Variants in RSU1 observed in about 807,000 individuals in gnomAD.
RSU1 encodes Ras suppressor protein 1.
RSU1 carries 26 observed loss-of-function variants against 31.1 expected under a neutral mutation model. The ratio of observed to expected loss-of-function variants is 0.84; its 90% CI spans 0.61 to 1.16. The LOEUF (loss-of-function observed/expected upper bound fraction) is 1.16. RSU1 is among the 50% of genes most tolerant of loss of function. The probability of loss-of-function intolerance (pLI) is 0.00; values close to 1 mark genes in which losing one functional copy is unlikely to be tolerated. For synonymous variants in RSU1, 164 were observed against 136.3 expected, an observed-to-expected ratio of 1.20 and a Z score of -1.41; for missense variants, 320 against 339.1, an observed-to-expected ratio of 0.94 and a Z score of 0.44.
chr10:16,612,387 T>C (rs534749351), intron 8 of RSU1, among the ~76,000 whole-genome samples: 2 of 152,354 alleles, frequency 1.3e-5, no homozygotes, highest in East Asian at 3.9e-4. Context: ...ATGCCAGTCA[T>C]TGCCAAAGAC....
At chr10:16,772,457 A>G (rs1333843746) in intron 3 of RSU1, among the ~76,000 whole-genome samples, 1 of 152,094 alleles carries the variant, frequency 6.6e-6, no homozygotes, top group Non-Finnish European at 1.5e-5. Flanking sequence ...CCCCTCCAGC[A>G]AAGCCATACA....
chr10:16,705,050 T>C (rs1384588466), intron 7 of RSU1, among the ~76,000 whole-genome samples: 1 of 152,216 alleles, frequency 6.6e-6, no homozygotes, highest in Admixed American at 6.5e-5. Context: ...CCTTATCTCT[T>C]GGCAACCACC....
intron 2 of RSU1, among the ~76,000 whole-genome samples, chr10:16,816,416 C>A (rs1347022421): frequency 6.6e-6 from 1 of 152,050 alleles, no homozygotes; most frequent in Non-Finnish European, 1.5e-5. Context: ...TGAAAGTGAC[C>A]CAGTGATTAA....
intron 2 of RSU1, among the ~76,000 whole-genome samples, chr10:16,791,428 G>GTTCAGGAT (rs2131661310): frequency 6.6e-6 from 1 of 152,272 alleles, no homozygotes; most frequent in African/African-American, 2.4e-5. Flanking sequence ...GAGCTCAGGA[G>GTTCAGGAT]TTCAGGATTT....
Position 16,772,641 on chromosome 10 carries a change from G to GAAAAA in RSU1, c.161-8136_161-8132dup, listed in dbSNP as rs60460081. ...CTGGAAAGAGAGAGGAGTAGAATAT[G>GAAAAA]AAAAAAAAAAAAAAAAAAAACAAGA... On this transcript the variant is annotated intron_variant, in intron 3 of 8. Transcript: ENST00000345264. Among the ~76,000 whole-genome samples the GAAAAA allele has an allele frequency of 1.2e-3, 79 of 64,742 alleles. 2 individuals carry two copies. Among genetic ancestry groups the GAAAAA allele is most frequent in the African/African-American group, 3.3e-3 (59 of 18,104 alleles). The allele number at this position is 64,742 out of a possible 152,430, so 42.5% of individuals were successfully genotyped here. A position where few individuals can be genotyped will look rare whatever the true frequency, so the allele number is the denominator to read the frequency against.
Position 16,773,094 on chromosome 10 carries a change from G to A in RSU1, c.161-8584C>T, listed in dbSNP as rs187208916. On this transcript the variant is annotated intron_variant, in intron 3 of 8. Coordinates refer to ENST00000345264, the MANE Select transcript of RSU1 (RefSeq NM_012425.4). ...GCATGCCTGCAGTCCTAGCTACTCC[G>A]GAGGCTGAGGTGGGAAGATCACTTG... Among the ~76,000 whole-genome samples, 398 of 152,074 alleles carry A rather than the reference G, an allele frequency of 2.6e-3. 1 individual carries two copies. Among genetic ancestry groups the A allele is most frequent in the Non-Finnish European group, 4.4e-3 (296 of 67,990 alleles).
intron 3 of RSU1, among the ~76,000 whole-genome samples, chr10:16,774,074 A>C (rs1195785234): frequency 6.6e-6 from 1 of 151,500 alleles, no homozygotes; most frequent in Non-Finnish European, 1.5e-5. Flanking sequence ...CAGAAAGAAA[A>C]ATGGAAATGG....
chr10:16,696,231 C>T (rs1439119001), intron 7 of RSU1, among the ~76,000 whole-genome samples: 1 of 152,156 alleles, frequency 6.6e-6, no homozygotes. Context: ...TAAGACACAA[C>T]CGAAGTTACG....
intron 7 of RSU1, among the ~76,000 whole-genome samples, chr10:16,749,070 G>T (rs1228366007): frequency 2.6e-5 from 4 of 152,126 alleles, no homozygotes; most frequent in African/African-American, 9.7e-5. Context: ...GGACTCAAAG[G>T]TCTGCCCTCA....
intron 2 of RSU1, among the ~76,000 whole-genome samples, chr10:16,800,085 G>T (rs1238933604): frequency 1.3e-5 from 2 of 152,094 alleles, no homozygotes; most frequent in African/African-American, 4.8e-5. Flanking sequence ...AGACACAAGA[G>T]AAAATTTTAC....
chr10:16,817,186 G>A, intron 1 of RSU1, 102 bp from the exon 2 acceptor site: 1 of 840,030 alleles, frequency 1.2e-6, no homozygotes, highest in Non-Finnish European at 2.0e-6. Flanking sequence ...CAGGGTTGGA[G>A]CGGGTGGGCG....
chr10:16,689,756 A>G (rs1835505655), intron 8 of RSU1, among the ~76,000 whole-genome samples: 1 of 152,164 alleles, frequency 6.6e-6, no homozygotes, highest in Non-Finnish European at 1.5e-5. Flanking sequence ...ATTTAAGGTT[A>G]AAAAAACGGA....
At chr10:16,609,332 C>T (rs527733432) in intron 8 of RSU1, among the ~76,000 whole-genome samples, 1 of 152,300 alleles carries the variant, frequency 6.6e-6, no homozygotes, top group East Asian at 1.9e-4. Context: ...CTTCATGCCC[C>T]CAACAGGCCC....
intron 7 of RSU1, among the ~76,000 whole-genome samples, chr10:16,734,183 G>T (rs1836578420): frequency 2.0e-5 from 3 of 152,192 alleles, no homozygotes; most frequent in Admixed American, 6.5e-5. Flanking sequence ...CCTTTTAAAT[G>T]CAAGGGGGAA....
chr10:16,812,129 C>A (rs1248140014), intron 2 of RSU1, among the ~76,000 whole-genome samples: 1 of 152,194 alleles, frequency 6.6e-6, no homozygotes, highest in African/African-American at 2.4e-5. Context: ...ATACACACAA[C>A]CTAGAGGAGT....
chr10:16,637,918 C>A (rs1162266823), intron 8 of RSU1, among the ~76,000 whole-genome samples: 1 of 151,752 alleles, frequency 6.6e-6, no homozygotes, highest in Non-Finnish European at 1.5e-5. Flanking sequence ...AGACTCTGAA[C>A]AATTAAAGCA....
chr10:16,612,495 A>G (rs956375232), intron 8 of RSU1, among the ~76,000 whole-genome samples: 1 of 152,210 alleles, frequency 6.6e-6, no homozygotes, highest in African/African-American at 2.4e-5. Context: ...AAACATGAAT[A>G]AGGGGACTGA....
chr10:16,666,544 G>A lies in RSU1; in HGVS notation c.731+28479C>T, dbSNP rs917050341. Among the ~76,000 whole-genome samples the A allele has an allele frequency of 4.6e-5, 7 of 152,058 alleles. No homozygotes were observed. In the South Asian group the frequency reaches 6.2e-4, roughly 14 times the overall value. ...TGTAATCCCAGCACTTTGGGAGGCCGAGGCAGGTGGATCACATAGTGTTTG... is the reference window on the plus strand; with the variant it reads ...TGTAATCCCAGCACTTTGGGAGGCCAAGGCAGGTGGATCACATAGTGTTTG... On this transcript the variant is annotated intron_variant, in intron 8 of 8. Transcript: ENST00000345264.
chr10:16,601,746 C>G (rs571131034), intron 8 of RSU1, among the ~76,000 whole-genome samples: 6 of 152,344 alleles, frequency 3.9e-5, no homozygotes, highest in Admixed American at 3.9e-4. Flanking sequence ...AATGTCCTCT[C>G]TTTCTGCACT....
Sources: allele counts gnomAD v4.1 joint callset (sites outside exome capture counted in the v4.1 genomes callset), GRCh38; gene constraint gnomAD v4.1.1; transcripts MANE v1.5; gene names NCBI Gene and HGNC (gene_info 2026-07-23, HGNC 2026-07-21).